The following REV1 variants were observed in gnomAD, a reference collection of about 807,000 sequenced individuals.
REV1 encodes translesion synthesis protein REV1.
Under a neutral mutation model 137.4 loss-of-function variants are expected in REV1, and 42 were observed. The observed-to-expected ratio is 0.31, with a 90% CI of 0.24 to 0.40. The LOEUF is 0.40. REV1 is among the 10% of genes least tolerant of loss of function. REV1 has a pLI of 1.00. For missense variants in REV1, 1,282 were observed against 1,490.1 expected (o/e 0.86, Z 2.30); for synonymous variants, 524 against 519.2 (o/e 1.01, Z -0.12).
intron 2 of REV1, among the ~76,000 whole-genome samples, chr2:99,463,969 G>A (rs977218644): frequency 1.3e-5 from 2 of 151,970 alleles, no homozygotes; most frequent in Admixed American, 1.3e-4. Flanking sequence ...CACATACAGA[G>A]GGCTTAAAAT....
At chr2:99,413,542 CTT>C (rs68114401) in intron 12 of REV1, among the ~76,000 whole-genome samples, 40 of 151,406 alleles carry the variant, frequency 2.6e-4, no homozygotes, top group African/African-American at 9.5e-4. Context: ...AGAAGACAGA[CTT>C]TTTTTTTAAT....
At chr2:99,455,810 T>A (rs1383101240) in intron 3 of REV1, among the ~76,000 whole-genome samples, 1 of 152,194 alleles carries the variant, frequency 6.6e-6, no homozygotes. Flanking sequence ...CAAATCCTTA[T>A]TTGAAATATA....
intron 9 of REV1, among the ~76,000 whole-genome samples, chr2:99,429,320 AC>A (rs1255829672): frequency 6.6e-6 from 1 of 152,190 alleles, no homozygotes; most frequent in Admixed American, 6.5e-5. Flanking sequence ...AAAGACCTAT[AC>A]AAAAAGTTGG....
At chr2:99,448,456 G>A (rs1014603333) in intron 4 of REV1, among the ~76,000 whole-genome samples, 5 of 152,106 alleles carry the variant, frequency 3.3e-5, no homozygotes, top group African/African-American at 1.2e-4. Context: ...TGTCACCACT[G>A]ATTTACAACT....
At chr2:99,466,974 T>C (rs1363808535) in intron 1 of REV1, among the ~76,000 whole-genome samples, 1 of 152,222 alleles carries the variant, frequency 6.6e-6, no homozygotes, top group African/African-American at 2.4e-5. Flanking sequence ...GGACTACATG[T>C]AAACTGAATC....
chr2:99,407,989 T>G (rs1676579197), intron 15 of REV1, 40 bp downstream of exon 15: 1 of 1,285,776 alleles, frequency 7.8e-7, no homozygotes, highest in South Asian at 1.4e-5. Flanking sequence ...GAGAGATACA[T>G]TACACAAAGT....
chr2:99,446,506 C>CT (rs1168117625), intron 4 of REV1, among the ~76,000 whole-genome samples: 6 of 151,928 alleles, frequency 3.9e-5, no homozygotes, highest in East Asian at 1.9e-4. Context: ...TTTTCTTTTT[C>CT]TTTTTTTTGA....
At chr2:99,431,762 T>C (rs920861402) in intron 8 of REV1, 5 of 985,170 alleles carry the variant, frequency 5.1e-6, no homozygotes, top group Non-Finnish European at 6.0e-6. Context: ...TGCAGCAGAG[T>C]GCGTGGGTCC....
intron 3 of REV1, among the ~76,000 whole-genome samples, chr2:99,459,069 G>A (rs921514418): frequency 1.1e-4 from 16 of 152,188 alleles, no homozygotes; most frequent in Admixed American, 2.6e-4. Flanking sequence ...TTAGCCAGGC[G>A]TGGTGGTGGC....
intron 3 of REV1, among the ~76,000 whole-genome samples, chr2:99,451,682 A>G (rs974493388): frequency 2.0e-5 from 3 of 152,220 alleles, no homozygotes; most frequent in South Asian, 2.1e-4. Context: ...AGGTCACTCA[A>G]TATGAAAACT....
intron 2 of REV1, among the ~76,000 whole-genome samples, chr2:99,464,072 A>T (rs1040461285): frequency 2.6e-5 from 4 of 152,256 alleles, no homozygotes; most frequent in Non-Finnish European, 5.9e-5. Context: ...CAGTGGCTAA[A>T]TTCTGGATCT....
chr2:99,412,656 G>A, intron 13 of REV1, 75 bp downstream of exon 13: 1 of 1,115,668 alleles, frequency 9.0e-7, no homozygotes, highest in Non-Finnish European at 1.4e-6. Context: ...AGGGTCTAAT[G>A]GTTTAGTTGT....
chr2:99,425,221 C>T (rs1306296278), intron 9 of REV1, among the ~76,000 whole-genome samples: 1 of 152,026 alleles, frequency 6.6e-6, no homozygotes, highest in Non-Finnish European at 1.5e-5. Context: ...TACTCATAGG[C>T]CTCTGGCACC....
At position 99,403,705 on chromosome 2, in the gene REV1, G is replaced by A. The variant is rs746986420; in HGVS notation, c.3156C>T (p.Ala1052=). ...QGENSTHQQS[A]SASVPKNPLL... is the part of the protein sequence containing the mutation. ...ACTTCCAAGGCTCACCAGATGCGCT[G>A]GCTGACTGCTGGTGAGTGCTGTTCT... The change falls in exon 19 of 23, where the codon GCC becomes GCT. Residue 1052 remains alanine, a synonymous_variant. Transcript: ENST00000258428. 27 of 1,614,124 alleles carry A rather than the reference G, an allele frequency of 1.7e-5. No homozygotes were observed. The highest frequency in any genetic ancestry group is 2.3e-5 in the Non-Finnish European group (27 of 1,180,008).
At chr2:99,479,919 C>G (rs1355937212) in intron 1 of REV1, among the ~76,000 whole-genome samples, 1 of 151,922 alleles carries the variant, frequency 6.6e-6, no homozygotes, top group African/African-American at 2.4e-5. Context: ...TAGATCTGAA[C>G]TAAGAACAAT....
chr2:99,430,880 A>G (rs1680031037), intron 8 of REV1, among the ~76,000 whole-genome samples: 1 of 152,176 alleles, frequency 6.6e-6, no homozygotes, highest in Admixed American at 6.5e-5. Context: ...ACATTCTAAA[A>G]CCACAACCTC....
chr2:99,407,593 T>C (rs917570909), intron 15 of REV1, among the ~76,000 whole-genome samples: 3 of 152,050 alleles, frequency 2.0e-5, no homozygotes, highest in East Asian at 3.8e-4. Context: ...TTTTGACATT[T>C]TGATGCCTCT....
intron 1 of REV1, among the ~76,000 whole-genome samples, chr2:99,474,073 T>A (rs1365668649): frequency 6.6e-6 from 1 of 152,222 alleles, no homozygotes; most frequent in East Asian, 1.9e-4. Context: ...CCTAAAAAAA[T>A]TCACCTATTA....
intron 9 of REV1, among the ~76,000 whole-genome samples, chr2:99,429,617 C>T (rs1029708697): frequency 1.3e-5 from 2 of 151,890 alleles, no homozygotes; most frequent in Non-Finnish European, 2.9e-5. Context: ...GTTCCTACTA[C>T]ATGACCTATT....
Sources: gnomAD v4.1 joint callset for allele counts (sites outside exome capture counted in the v4.1 genomes callset) on GRCh38, gnomAD v4.1.1 for gene constraint, MANE v1.5 for transcripts, NCBI Gene and HGNC (gene_info 2026-07-23, HGNC 2026-07-21) for gene names.